The following ATP10A variants were observed in gnomAD, a reference collection of about 807,000 sequenced individuals.
ATP10A encodes ATPase phospholipid transporting 10A (putative).
A neutral mutation model predicts 147.8 loss-of-function variants in ATP10A; 111 were observed. The observed-to-expected ratio is 0.75, with a 90% CI of 0.64 to 0.88. The LOEUF is 0.88. Among genes scored for constraint, ATP10A ranks in the 40% least tolerant of loss-of-function variants. The probability of loss-of-function intolerance (pLI) is 0.00; values close to 1 mark genes in which losing one functional copy is unlikely to be tolerated. For synonymous variants in ATP10A, 875 were observed against 841.6 expected, an observed-to-expected ratio of 1.04 and a Z score of -0.69; for missense variants, 1,927 against 1,959.0, an observed-to-expected ratio of 0.98 and a Z score of 0.31.
chr15:25,682,138 C>T (rs1349982938), intron 17 of ATP10A, among the ~76,000 whole-genome samples: 1 of 151,572 alleles, frequency 6.6e-6, no homozygotes, highest in Non-Finnish European at 1.5e-5. Context: ...GTAGGAATAG[C>T]ACCTGAAATT....
chr15:25,750,239 CAG>C (rs1439928489), intron 2 of ATP10A, among the ~76,000 whole-genome samples: 1 of 151,748 alleles, frequency 6.6e-6, no homozygotes, highest in African/African-American at 2.4e-5. Context: ...AGGATAAGAG[CAG>C]ATATTTCATT....
At chr15:25,712,589 T>G (rs7175074) in intron 10 of ATP10A, among the ~76,000 whole-genome samples, 36,551 of 152,200 alleles carry the variant, frequency 0.24, 4,838 homozygotes, top group East Asian at 0.34. Context: ...ATTTATGTTT[T>G]TCTTTTGTGT....
intron 2 of ATP10A, among the ~76,000 whole-genome samples, chr15:25,765,491 C>T (rs1402134173): frequency 3.3e-5 from 5 of 152,118 alleles, no homozygotes; most frequent in Non-Finnish European, 7.4e-5. Context: ...GAATTCTGCC[C>T]GTGTAGAGCC....
At chr15:25,694,356 G>T (rs1461909179) in intron 14 of ATP10A, among the ~76,000 whole-genome samples, 1 of 152,278 alleles carries the variant, frequency 6.6e-6, no homozygotes, top group Admixed American at 6.5e-5. Flanking sequence ...ACAGGAGGCA[G>T]TGGGAATTCT....
rs528014224 is a variant in ATP10A, at chr15:25,809,914, A to G, written c.450-28691T>C. On this transcript the variant is annotated intron_variant, in intron 1 of 20. Transcript: ENST00000555815. ...CCATGAAGAAGTGGCCTGCCCTGGT[A>G]GTCACAGGTTCCAAGTCGCCCAAGC... Among the ~76,000 whole-genome samples the G allele has an allele frequency of 3.9e-5, 6 of 152,168 alleles. No homozygotes were observed. In the East Asian group the frequency reaches 9.7e-4, roughly 25 times the overall value.
At position 25,862,461 on chromosome 15, in the gene ATP10A, G is replaced by A. The variant is rs557915351; in HGVS notation, c.449+187C>T. 4.6e-5 allele frequency: 33 copies of A among 720,256 alleles called. No homozygotes were observed. In the East Asian group the frequency reaches 5.4e-4, roughly 12 times the overall value. 44.6% of individuals were successfully genotyped at this position (720,256 alleles called of 1,614,324 possible). A position where few individuals can be genotyped will look rare whatever the true frequency, so the allele number is the denominator to read the frequency against. ...GGGCGCCCCTTTAGCTGCGGCGGAG[G>A]CACAGAGAGGCCTTGGCGGCGCTGT... On this transcript the variant is annotated intron_variant, in intron 1 of 20. Transcript: ENST00000555815.
At chr15:25,753,204 C>T (rs1273191727) in intron 2 of ATP10A, among the ~76,000 whole-genome samples, 1 of 152,132 alleles carries the variant, frequency 6.6e-6, no homozygotes, top group African/African-American at 2.4e-5. Context: ...TTTATTCCTC[C>T]TGTCTGAGAT....
chr15:25,812,530 G>T (rs888016088), intron 1 of ATP10A, among the ~76,000 whole-genome samples: 1 of 152,164 alleles, frequency 6.6e-6, no homozygotes, highest in Non-Finnish European at 1.5e-5. Context: ...TTCCTGAGCT[G>T]GTAAGAATGC....
chr15:25,744,210 G>A (rs1887721824), intron 2 of ATP10A, among the ~76,000 whole-genome samples: 1 of 152,076 alleles, frequency 6.6e-6, no homozygotes, highest in Non-Finnish European at 1.5e-5. Context: ...CTGCTACCCA[G>A]CTTAGAGTCA....
At chr15:25,756,005 T>C (rs906939023) in intron 2 of ATP10A, among the ~76,000 whole-genome samples, 4 of 152,242 alleles carry the variant, frequency 2.6e-5, no homozygotes, top group African/African-American at 7.2e-5. Flanking sequence ...TACCTTTCTT[T>C]AATGTACTTT....
At chr15:25,673,193 A>T (rs1023423630), downstream of ATP10A, among the ~76,000 whole-genome samples, 1 of 152,138 alleles carries the variant, frequency 6.6e-6, no homozygotes, top group Non-Finnish European at 1.5e-5. Context: ...TGGGTTTTAC[A>T]GGAGCAGCCC....
chr15:25,819,442 C>T (rs901285588), intron 1 of ATP10A, among the ~76,000 whole-genome samples: 3 of 151,876 alleles, frequency 2.0e-5, no homozygotes, highest in Non-Finnish European at 2.9e-5. Context: ...GGTGAGACTG[C>T]AGAGAAAAGG....
At chr15:25,735,083 A>G (rs1887197122) in intron 3 of ATP10A, among the ~76,000 whole-genome samples, 3 of 152,082 alleles carry the variant, frequency 2.0e-5, no homozygotes, top group Non-Finnish European at 4.4e-5. Flanking sequence ...TGCAGGCGTC[A>G]AAAGTCCATC....
chr15:25,791,101 T>TC (rs1323063439), intron 1 of ATP10A, among the ~76,000 whole-genome samples: 2 of 149,590 alleles, frequency 1.3e-5, no homozygotes, highest in African/African-American at 5.0e-5. Context: ...TTTTTTTTTT[T>TC]CAAGACCCTT....
At chr15:25,851,471 C>T (rs542630100) in intron 1 of ATP10A, among the ~76,000 whole-genome samples, 2 of 152,122 alleles carry the variant, frequency 1.3e-5, no homozygotes, top group Non-Finnish European at 2.9e-5. Flanking sequence ...TCAAAACAAA[C>T]CTTCCCCCTA....
intron 1 of ATP10A, among the ~76,000 whole-genome samples, chr15:25,837,871 C>T (rs550331806): frequency 2.6e-5 from 4 of 152,160 alleles, no homozygotes; most frequent in East Asian, 1.9e-4. Flanking sequence ...GTGGGGAAGA[C>T]GGGTGGGGAG....
At chr15:25,674,790 G>A (rs562375220), downstream of ATP10A, among the ~76,000 whole-genome samples, 2 of 152,226 alleles carry the variant, frequency 1.3e-5, no homozygotes, top group African/African-American at 2.4e-5. Context: ...AGTAAAGCAC[G>A]AATCTGCCTG....
intron 4 of ATP10A, among the ~76,000 whole-genome samples, chr15:25,726,750 T>A (rs575426699): frequency 6.6e-6 from 1 of 150,442 alleles, no homozygotes; most frequent in South Asian, 2.2e-4. Flanking sequence ...GCCATGCTAC[T>A]CTTAGAAAAC....
At chr15:25,673,187 T>A (rs1224682776), downstream of ATP10A, among the ~76,000 whole-genome samples, 1 of 151,714 alleles carries the variant, frequency 6.6e-6, no homozygotes, top group Non-Finnish European at 1.5e-5. Context: ...GGAGGGTGGG[T>A]TTTACAGGAG....
Sources: gnomAD v4.1 joint callset for allele counts (sites outside exome capture counted in the v4.1 genomes callset) on GRCh38, gnomAD v4.1.1 for gene constraint, MANE v1.5 for transcripts, NCBI Gene and HGNC (gene_info 2026-07-23, HGNC 2026-07-21) for gene names.